The following TNR variants were observed in gnomAD, a reference collection of about 807,000 sequenced individuals.
The protein encoded by TNR is tenascin R, also known as tenascin-R.
Under a neutral mutation model 150.4 loss-of-function variants are expected in TNR, and 45 were observed. The observed-to-expected ratio is 0.30, with a 90% CI of 0.24 to 0.38. The LOEUF is 0.38. Ranked by LOEUF, TNR falls within the 10% of genes least tolerant of loss-of-function variation. The pLI, the probability that TNR is intolerant of heterozygous loss-of-function variation, is 1.00. For missense variants in TNR, 1,544 were observed against 1,759.1 expected (o/e 0.88, Z 2.19); for synonymous variants, 687 against 678.4 (o/e 1.01, Z -0.20).
At chr1:175,364,870 C>T (rs1172176132) in intron 12 of TNR, 140 bp downstream of exon 12, 1 of 1,066,518 alleles carries the variant, frequency 9.4e-7, no homozygotes, top group Non-Finnish European at 1.3e-6. Flanking sequence ...GTAGCTGTTT[C>T]AGAACAGGTC....
At chr1:175,527,269 T>C (rs1204248110) in intron 2 of TNR, among the ~76,000 whole-genome samples, 2 of 152,196 alleles carry the variant, frequency 1.3e-5, no homozygotes, top group Non-Finnish European at 2.9e-5. Context: ...ATGTCTCTTG[T>C]GAATTGGAAT....
At chr1:175,469,490 G>T (rs1218168423) in intron 2 of TNR, among the ~76,000 whole-genome samples, 3 of 152,052 alleles carry the variant, frequency 2.0e-5, no homozygotes, top group Admixed American at 2.0e-4. Flanking sequence ...GGACCCTAAA[G>T]AATAAACAGA....
intron 1 of TNR, among the ~76,000 whole-genome samples, chr1:175,711,804 T>C (rs1196184469): frequency 6.6e-6 from 1 of 152,200 alleles, no homozygotes; most frequent in East Asian, 1.9e-4. Context: ...TATGAGCTCC[T>C]GGGAGGAAGG....
intron 2 of TNR, among the ~76,000 whole-genome samples, chr1:175,472,088 T>A (rs1162694651): frequency 6.6e-6 from 1 of 152,148 alleles, no homozygotes; most frequent in African/African-American, 2.4e-5. Flanking sequence ...CAGTGAGCTG[T>A]GATCCTGCCA....
chr1:175,655,002 G>A (rs548686254), intron 1 of TNR, among the ~76,000 whole-genome samples: 2 of 152,260 alleles, frequency 1.3e-5, no homozygotes, highest in South Asian at 2.1e-4. Context: ...GATTACAGGC[G>A]TGAGCCACTG....
chr1:175,350,188 G>A (rs560701641), intron 18 of TNR, among the ~76,000 whole-genome samples: 1 of 152,294 alleles, frequency 6.6e-6, no homozygotes, highest in African/African-American at 2.4e-5. Flanking sequence ...CCACAGAACA[G>A]CTCAGCCTGG....
chr1:175,548,808 T>C (rs926923198), intron 1 of TNR, among the ~76,000 whole-genome samples: 3 of 152,194 alleles, frequency 2.0e-5, no homozygotes, highest in Non-Finnish European at 4.4e-5. Flanking sequence ...AAACCACCTT[T>C]TAGTCATGAC....
At chr1:175,444,530 C>T (rs1411138264) in intron 2 of TNR, among the ~76,000 whole-genome samples, 1 of 152,202 alleles carries the variant, frequency 6.6e-6, no homozygotes, top group Non-Finnish European at 1.5e-5. Context: ...TAGGTCCTGA[C>T]TCAAACCTGT....
At chr1:175,467,148 C>T (rs186853709) in intron 2 of TNR, among the ~76,000 whole-genome samples, 21 of 152,030 alleles carry the variant, frequency 1.4e-4, no homozygotes, top group South Asian at 1.0e-3. Flanking sequence ...GAGAACAGAC[C>T]GGGACTAATA....
intron 2 of TNR, among the ~76,000 whole-genome samples, chr1:175,480,895 A>T (rs1657778934): frequency 6.6e-6 from 1 of 152,114 alleles, no homozygotes; most frequent in Non-Finnish European, 1.5e-5. Flanking sequence ...ATCACTTCTT[A>T]TCCCTTTTAT....
At chr1:175,416,809 C>G (rs1654479151) in intron 2 of TNR, among the ~76,000 whole-genome samples, 1 of 152,142 alleles carries the variant, frequency 6.6e-6, no homozygotes, top group African/African-American at 2.4e-5. Context: ...GAGATCGAGA[C>G]TGTCCTGGTT....
chr1:175,393,923 G>A, intron 5 of TNR, 28 bp from the exon 6 acceptor site: 6 of 1,545,390 alleles, frequency 3.9e-6, no homozygotes, highest in Non-Finnish European at 5.4e-6. Flanking sequence ...AGGTGACAAT[G>A]TCATGGCTAA....
At chr1:175,732,936 G>C (rs1405280284) in intron 1 of TNR, among the ~76,000 whole-genome samples, 1 of 152,190 alleles carries the variant, frequency 6.6e-6, no homozygotes, top group Non-Finnish European at 1.5e-5. Context: ...GAAAATAGAG[G>C]TGGAGCTATT....
chr1:175,446,883 G>A (rs1656075453), intron 2 of TNR, among the ~76,000 whole-genome samples: 1 of 152,100 alleles, frequency 6.6e-6, no homozygotes, highest in Admixed American at 6.5e-5. Context: ...ACATGTGTAT[G>A]CATATGTGTA....
chr1:175,691,034 G>A (rs1666354449), intron 1 of TNR, among the ~76,000 whole-genome samples: 2 of 152,164 alleles, frequency 1.3e-5, no homozygotes, highest in South Asian at 4.2e-4. Context: ...GGGGTGTTTG[G>A]CACAGGAAGT....
chr1:175,471,963 C>CT (rs1382226945), intron 2 of TNR, among the ~76,000 whole-genome samples: 5 of 151,440 alleles, frequency 3.3e-5, no homozygotes, highest in African/African-American at 9.7e-5. Context: ...ACTTTTTGAA[C>CT]TTTTTTTGTT....
intron 7 of TNR, among the ~76,000 whole-genome samples, chr1:175,387,561 C>T (rs1652992519): frequency 6.6e-6 from 1 of 152,224 alleles, no homozygotes; most frequent in Admixed American, 6.5e-5. Context: ...TAACTTGATT[C>T]CTGATGTTCC....
chr1:175,352,049 T>A (rs1651080161), intron 18 of TNR, among the ~76,000 whole-genome samples: 1 of 152,210 alleles, frequency 6.6e-6, no homozygotes, highest in African/African-American at 2.4e-5. Context: ...ATGTGTGTTG[T>A]TAATCTTCTG....
Position 175,323,443 on chromosome 1 carries a change from A to G in TNR, c.3991T>C (p.Phe1331Leu). Residue 1331 changes from phenylalanine (F) to leucine (L), a missense_variant, in exon 23 of 23, where the codon TTC becomes CTC. By Grantham distance (22) the Phe-to-Leu change is conservative. Transcript: ENST00000367674. ...INWYHWKGHE[F>L]SIPFVEMKMR... ...TTCATTTCCACAAAGGGGATGGAGAACTCATGGCCTTTCCAATGGTACCAG... is the reference window on the plus strand; with the variant it reads ...TTCATTTCCACAAAGGGGATGGAGAGCTCATGGCCTTTCCAATGGTACCAG... 6.2e-7 allele frequency: 1 copy of G among 1,614,064 alleles called. No individual in the cohort carries two copies.
Sources: gnomAD v4.1 joint callset for allele counts (sites outside exome capture counted in the v4.1 genomes callset) on GRCh38, gnomAD v4.1.1 for gene constraint, MANE v1.5 for transcripts, NCBI Gene and HGNC (gene_info 2026-07-23, HGNC 2026-07-21) for gene names.